The following MBOAT2 variants were observed in gnomAD, a reference collection of about 807,000 sequenced individuals.
The protein encoded by MBOAT2 is membrane-bound glycerophospholipid O-acyltransferase 2.
A neutral mutation model predicts 63.4 loss-of-function variants in MBOAT2; 28 were observed. That is an observed-to-expected ratio of 0.44 (90% CI 0.33 to 0.61). The LOEUF is 0.61. Among genes scored for constraint, MBOAT2 ranks in the 20% least tolerant of loss-of-function variants. MBOAT2 has a pLI of 0.03. For missense variants in MBOAT2, 470 were observed against 605.8 expected (o/e 0.78, Z 2.35); for synonymous variants, 211 against 215.6 (o/e 0.98, Z 0.19).
At chr2:8,916,779 T>C (rs1666214729) in intron 3 of MBOAT2, among the ~76,000 whole-genome samples, 1 of 152,232 alleles carries the variant, frequency 6.6e-6, no homozygotes, top group Admixed American at 6.5e-5. Context: ...TACTAACTTT[T>C]TTATCTCTAT....
At chr2:8,882,381 G>T in intron 6 of MBOAT2, 130 bp downstream of exon 6, 2 of 897,130 alleles carry the variant, frequency 2.2e-6, no homozygotes, top group Non-Finnish European at 1.8e-6. Context: ...GGAAGTGCAT[G>T]GAGAGAGTGA....
chr2:9,002,361 C>T (rs1008901631), intron 1 of MBOAT2, among the ~76,000 whole-genome samples: 6 of 152,186 alleles, frequency 3.9e-5, no homozygotes, highest in African/African-American at 1.4e-4. Context: ...CACAAAGCAG[C>T]TAGTATCCTA....
At chr2:8,904,232 C>T (rs982581776) in intron 4 of MBOAT2, among the ~76,000 whole-genome samples, 1 of 152,180 alleles carries the variant, frequency 6.6e-6, no homozygotes, top group African/African-American at 2.4e-5. Flanking sequence ...CCTCAGCCTC[C>T]CAAAGTGCTA....
chr2:8,979,969 T>G (rs948532718), intron 1 of MBOAT2, among the ~76,000 whole-genome samples: 1 of 152,108 alleles, frequency 6.6e-6, no homozygotes, highest in African/African-American at 2.4e-5. Flanking sequence ...ACTGCCAGAA[T>G]ATCACATTTT....
At chr2:8,951,078 T>C (rs1668793200) in intron 2 of MBOAT2, among the ~76,000 whole-genome samples, 1 of 152,136 alleles carries the variant, frequency 6.6e-6, no homozygotes, top group Non-Finnish European at 1.5e-5. Context: ...TATTGGCCTG[T>C]AGTTTTCTTT....
At chr2:8,980,402 C>A (rs370091777) in intron 1 of MBOAT2, among the ~76,000 whole-genome samples, 1 of 152,132 alleles carries the variant, frequency 6.6e-6, no homozygotes, top group Non-Finnish European at 1.5e-5. Context: ...GCATTTACAA[C>A]CTCTTTATAC....
Position 9,003,578 on chromosome 2 carries a change from G to C in MBOAT2, c.37C>G (p.Gln13Glu). ...TTSTTGSTLL[Q>E]PLSNAVQLPI... is the part of the protein sequence containing the mutation. ...AGCTGCACGGCGTTGCTGAGGGGCT[G>C]CAGCAGGGTGGAGCCCGTGGTGCTG... Residue 13 changes from glutamine (Q) to glutamate (E), a missense_variant, in exon 1 of 13, where the codon CAG becomes GAG. Around this residue, in one of 3 missense-constraint regions of MBOAT2, gnomAD observed 376 missense variants for 503.8 expected, o/e 0.75. Coordinates refer to ENST00000305997, the MANE Select transcript of MBOAT2 (RefSeq NM_138799.4). This position sits in a 1 kb window ranked among gnomAD's most constrained non-coding sequence, Gnocchi z 5.4. The C allele has an allele frequency of 1.6e-6, 2 of 1,230,710 alleles. No individual in the cohort carries two copies. The highest frequency in any genetic ancestry group is 2.0e-6 in the Non-Finnish European group (2 of 980,116). The allele number at this position is 1,230,710 out of a possible 1,614,324, so 76.2% of individuals were successfully genotyped here. A position where few individuals can be genotyped will look rare whatever the true frequency, so the allele number is the denominator to read the frequency against.
intron 2 of MBOAT2, among the ~76,000 whole-genome samples, chr2:8,955,126 T>C (rs1669123496): frequency 6.6e-6 from 1 of 152,218 alleles, no homozygotes; most frequent in Non-Finnish European, 1.5e-5. Flanking sequence ...GCAGGTGCTC[T>C]AATCTCTGGC....
At chr2:8,880,813 C>G (rs2148537529) in intron 6 of MBOAT2, among the ~76,000 whole-genome samples, 1 of 152,274 alleles carries the variant, frequency 6.6e-6, no homozygotes, top group Middle Eastern at 3.4e-3. Flanking sequence ...GGTTCAGCAT[C>G]ATGTAAAAAG....
intron 3 of MBOAT2, among the ~76,000 whole-genome samples, chr2:8,930,570 T>C (rs1267165879): frequency 6.6e-6 from 1 of 151,960 alleles, no homozygotes; most frequent in South Asian, 2.1e-4. Context: ...AGCAGCATGA[T>C]TTATAATCCT....
At chr2:8,941,488 G>C (rs1358674793) in intron 3 of MBOAT2, among the ~76,000 whole-genome samples, 1 of 152,026 alleles carries the variant, frequency 6.6e-6, no homozygotes, top group East Asian at 1.9e-4. Context: ...AGCCACATGT[G>C]GCTAGTGAGC....
chr2:8,947,867 T>C (rs1668533869), intron 2 of MBOAT2, among the ~76,000 whole-genome samples: 1 of 152,236 alleles, frequency 6.6e-6, no homozygotes, highest in African/African-American at 2.4e-5. Context: ...TTATGCAGCC[T>C]GCAGATCAGG....
chr2:8,934,508 A>G (rs1667530271), intron 3 of MBOAT2, among the ~76,000 whole-genome samples: 1 of 152,236 alleles, frequency 6.6e-6, no homozygotes. Context: ...TGTGCTTATC[A>G]CAGTGACTGA....
intron 1 of MBOAT2, among the ~76,000 whole-genome samples, chr2:8,965,901 T>C (rs956471015): frequency 3.9e-5 from 6 of 152,290 alleles, no homozygotes; most frequent in Middle Eastern, 3.4e-3. Context: ...AAAAAAACCT[T>C]AAATTTCAAT....
intron 8 of MBOAT2, among the ~76,000 whole-genome samples, chr2:8,871,347 T>C (rs1662315827): frequency 6.6e-6 from 1 of 152,174 alleles, no homozygotes; most frequent in Non-Finnish European, 1.5e-5. Flanking sequence ...CTTGTGATTT[T>C]TCTCAAAAGC....
At chr2:8,948,507 A>G (rs1455511512) in intron 2 of MBOAT2, among the ~76,000 whole-genome samples, 1 of 152,136 alleles carries the variant, frequency 6.6e-6, no homozygotes. Flanking sequence ...TCCCACCTCT[A>G]GTAGTCCCCA....
chr2:8,914,745 G>A (rs1666026992), intron 3 of MBOAT2, among the ~76,000 whole-genome samples: 1 of 151,956 alleles, frequency 6.6e-6, no homozygotes. Context: ...AGCACAAACT[G>A]AGATAAGCTG....
Position 8,860,683 on chromosome 2 carries a change from G to C in MBOAT2, c.1267C>G (p.Gln423Glu), listed in dbSNP as rs757355387. 8 of 1,611,322 alleles carry C rather than the reference G, an allele frequency of 5.0e-6. No homozygotes were observed. In the South Asian group the frequency reaches 7.7e-5, roughly 16 times the overall value. The change falls in exon 12 of 13, where the codon CAA (glutamine) becomes GAA (glutamate). Residue 423 changes from glutamine to glutamate, a missense_variant. Around this residue, in one of 3 missense-constraint regions of MBOAT2, gnomAD observed 376 missense variants for 503.8 expected, o/e 0.75. Coordinates refer to ENST00000305997, the MANE Select transcript of MBOAT2 (RefSeq NM_138799.4). ...FYDVITWIVT[Q>E]VAISYTVVPF... is the part of the protein sequence containing the mutation. ...ACAACTGTGTAACTTATTGCTACTT[G>C]AGTTACTATCCATGTTATAACATCA...
chr2:8,866,934 C>T (rs1054680693), intron 9 of MBOAT2, among the ~76,000 whole-genome samples: 2 of 152,194 alleles, frequency 1.3e-5, no homozygotes, highest in East Asian at 1.9e-4. Context: ...TGCCTGACTG[C>T]CCACTTTTAG....
Sources: allele counts gnomAD v4.1 joint callset (sites outside exome capture counted in the v4.1 genomes callset), GRCh38; gene constraint gnomAD v4.1.1; regional missense constraint gnomAD v4.1.1; non-coding constraint Gnocchi (gnomAD v3.1); transcripts MANE v1.5; gene names NCBI Gene and HGNC (gene_info 2026-07-23, HGNC 2026-07-21).